Variants in ZBTB20 observed in about 807,000 individuals in gnomAD.
The protein encoded by ZBTB20 is zinc finger and BTB domain containing 20.
In ZBTB20, 9 loss-of-function variants were observed where a neutral mutation model predicts 56.9. The observed-to-expected ratio is 0.16, with a 90% confidence interval of 0.10 to 0.28. The LOEUF (loss-of-function observed/expected upper bound fraction) is 0.28, where lower values mean the gene tolerates loss of function less well. Ranked by LOEUF, ZBTB20 falls within the 10% of genes least tolerant of loss-of-function variation. ZBTB20 has a pLI of 1.00. For synonymous variants in ZBTB20, 417 were observed against 420.7 expected (o/e 0.99, Z 0.11); for missense variants, 655 against 1,003.0 (o/e 0.65, Z 4.69).
intron 7 of ZBTB20, among the ~76,000 whole-genome samples, chr3:114,391,121 T>A (rs1472424659): frequency 1.3e-5 from 2 of 152,218 alleles, no homozygotes; most frequent in Non-Finnish European, 2.9e-5. Context: ...TGTGAGGACA[T>A]CTATGAAAAG....
intron 7 of ZBTB20, among the ~76,000 whole-genome samples, chr3:114,423,647 ATTGAG>A (rs1194600092): frequency 1.3e-5 from 2 of 152,286 alleles, no homozygotes; most frequent in African/African-American, 2.4e-5. Context: ...AGTATGAGGG[ATTGAG>A]TTGAGTTATA....
chr3:114,962,553 TG>T (rs1432525144), intron 3 of ZBTB20, among the ~76,000 whole-genome samples: 1 of 152,124 alleles, frequency 6.6e-6, no homozygotes, highest in Non-Finnish European at 1.5e-5. Flanking sequence ...TATTCCCCCT[TG>T]GGGCAGCAGT....
intron 2 of ZBTB20, among the ~76,000 whole-genome samples, chr3:115,022,468 T>C (rs1175381207): frequency 2.6e-5 from 4 of 151,068 alleles, no homozygotes; most frequent in Non-Finnish European, 5.9e-5. Context: ...ATATTTTCAC[T>C]GACAACTGCT....
intron 5 of ZBTB20, among the ~76,000 whole-genome samples, chr3:114,749,704 G>A (rs1445709133): frequency 6.6e-6 from 1 of 152,138 alleles, no homozygotes; most frequent in East Asian, 1.9e-4. Context: ...CCAGGCACAA[G>A]CATGTGGAAA....
chr3:115,001,672 C>T (rs1283522883), intron 2 of ZBTB20, among the ~76,000 whole-genome samples: 1 of 151,028 alleles, frequency 6.6e-6, no homozygotes, highest in Admixed American at 6.6e-5. Context: ...ATAAATTCTT[C>T]ATATAAAATC....
chr3:114,682,735 G>T (rs1412479263), intron 6 of ZBTB20, among the ~76,000 whole-genome samples: 3 of 152,152 alleles, frequency 2.0e-5, no homozygotes, highest in Non-Finnish European at 2.9e-5. Flanking sequence ...TAATATATGT[G>T]ATAGACCGGA....
At chr3:114,687,009 G>A (rs1243137722) in intron 6 of ZBTB20, among the ~76,000 whole-genome samples, 13 of 152,070 alleles carry the variant, frequency 8.5e-5, no homozygotes, top group African/African-American at 2.4e-4. Flanking sequence ...AGAAAAATAC[G>A]CAGAGTAATA....
chr3:114,380,956 C>T lies in ZBTB20; in HGVS notation c.-153-16G>A. 1 of 467,808 alleles carries T rather than the reference C, an allele frequency of 2.1e-6. No individual in the cohort carries two copies. The highest frequency in any genetic ancestry group is 3.6e-6 in the Non-Finnish European group (1 of 278,990). 29.0% of individuals were successfully genotyped at this position (467,808 alleles called of 1,614,324 possible). On this transcript the variant is annotated splice_polypyrimidine_tract_variant and intron_variant, in intron 8 of 11. Coordinates refer to ENST00000675478, the MANE Select transcript of ZBTB20 (RefSeq NM_001348800.3). ...GTTTCCTCATCTGTAAAATAAAGGG[C>T]TTGGATTAGAAGGCCTTAAAGGTTC...
intron 7 of ZBTB20, among the ~76,000 whole-genome samples, chr3:114,435,715 G>T (rs2090468997): frequency 6.6e-6 from 1 of 152,150 alleles, no homozygotes; most frequent in Non-Finnish European, 1.5e-5. Flanking sequence ...CTGAAGTTTG[G>T]CTTGGTTACA....
intron 7 of ZBTB20, among the ~76,000 whole-genome samples, chr3:114,440,140 A>G (rs1170869740): frequency 1.3e-5 from 2 of 152,042 alleles, no homozygotes; most frequent in Non-Finnish European, 2.9e-5. Context: ...GGATGCACAC[A>G]TAAAACTCTG....
rs71146342 is a variant in ZBTB20 at position 114,844,520 on chromosome 3, C to CAAAAAAAAAAAAAAAAAA, written c.-416-43364_-416-43347dup. ...TGGTTGACAGAGCAAGTCCCTGTCT[C>CAAAAAAAAAAAAAAAAAA]AAAAAAAAAAAAAAAAAAAAAAAAA... On this transcript the variant is annotated intron_variant, in intron 4 of 11. Coordinates refer to ENST00000675478, the MANE Select transcript of ZBTB20 (RefSeq NM_001348800.3). Among the ~76,000 whole-genome samples, 4 of 22,810 alleles carry CAAAAAAAAAAAAAAAAAA rather than the reference C, an allele frequency of 1.8e-4. 2 individuals carry two copies. Among genetic ancestry groups the CAAAAAAAAAAAAAAAAAA allele is most frequent in the East Asian group, 3.1e-3 (2 of 644 alleles). 15.0% of individuals were successfully genotyped at this position (22,810 alleles called of 152,430 possible).
At chr3:114,795,201 T>C (rs1231421095) in intron 5 of ZBTB20, among the ~76,000 whole-genome samples, 1 of 152,068 alleles carries the variant, frequency 6.6e-6, no homozygotes, top group South Asian at 2.1e-4. Flanking sequence ...AACTCAGAGG[T>C]AAACCTTCAG....
intron 1 of ZBTB20, among the ~76,000 whole-genome samples, chr3:115,072,349 T>C (rs1026276214): frequency 2.0e-5 from 3 of 152,178 alleles, no homozygotes; most frequent in African/African-American, 7.2e-5. Flanking sequence ...CCAAGTAGCA[T>C]GCTGGTTAAG....
At chr3:114,455,565 G>A (rs1368918530) in intron 7 of ZBTB20, among the ~76,000 whole-genome samples, 1 of 152,142 alleles carries the variant, frequency 6.6e-6, no homozygotes. Context: ...GACAGATGCT[G>A]CAGAGAACAA....
intron 6 of ZBTB20, among the ~76,000 whole-genome samples, chr3:114,545,760 AC>A (rs1450827095): frequency 6.6e-6 from 1 of 152,170 alleles, no homozygotes; most frequent in Non-Finnish European, 1.5e-5. Flanking sequence ...TTAGATCTGA[AC>A]CATCTTCATA....
chr3:114,696,381 G>A (rs1428888996), intron 5 of ZBTB20, among the ~76,000 whole-genome samples: 5 of 151,928 alleles, frequency 3.3e-5, no homozygotes, highest in African/African-American at 1.2e-4. Flanking sequence ...ACACACTAAT[G>A]ATCGCATCCA....
chr3:115,057,824 A>G (rs565942177), intron 2 of ZBTB20, among the ~76,000 whole-genome samples: 18 of 152,260 alleles, frequency 1.2e-4, no homozygotes, highest in South Asian at 2.1e-4. Flanking sequence ...TCAGCATTTT[A>G]AAGATGTCTA....
chr3:114,455,326 T>C (rs1434504853), intron 7 of ZBTB20, among the ~76,000 whole-genome samples: 1 of 152,122 alleles, frequency 6.6e-6, no homozygotes, highest in Non-Finnish European at 1.5e-5. Context: ...TGTTGGTGTG[T>C]TCTGATAAGC....
intron 7 of ZBTB20, among the ~76,000 whole-genome samples, chr3:114,427,201 C>A (rs931739158): frequency 6.6e-6 from 1 of 152,168 alleles, no homozygotes; most frequent in African/African-American, 2.4e-5. Context: ...TCCCAAATTT[C>A]TCTCACCCTC....
Sources: gnomAD v4.1 joint callset for allele counts (sites outside exome capture counted in the v4.1 genomes callset) on GRCh38, gnomAD v4.1.1 for gene constraint, MANE v1.5 for transcripts, NCBI Gene and HGNC (gene_info 2026-07-23, HGNC 2026-07-21) for gene names.